The following CTNNA3 variants were observed in gnomAD, a reference collection of about 807,000 sequenced individuals.
CTNNA3 encodes catenin alpha-3.
Under a neutral mutation model 95.7 loss-of-function variants are expected in CTNNA3, and 76 were observed. The ratio of observed to expected loss-of-function variants is 0.79; its 90% CI spans 0.66 to 0.96. The LOEUF (loss-of-function observed/expected upper bound fraction) is 0.96. Ranked by LOEUF, CTNNA3 falls within the 40% of genes least tolerant of loss-of-function variation. CTNNA3 has a pLI of 0.00. For missense variants in CTNNA3, 1,191 were observed against 1,089.8 expected (o/e 1.09, Z -1.31); for synonymous variants, 431 against 374.4 (o/e 1.15, Z -1.74).
At chr10:66,751,097 G>A (rs563038606) in intron 9 of CTNNA3, among the ~76,000 whole-genome samples, 7 of 152,082 alleles carry the variant, frequency 4.6e-5, no homozygotes, top group African/African-American at 1.4e-4. Flanking sequence ...GTGAAACCCC[G>A]TCTCTGCTAA....
chr10:67,126,346 G>C lies in CTNNA3; in HGVS notation c.1047+53971C>G, dbSNP rs1422938847. 2.6e-5 allele frequency among the ~76,000 whole-genome samples: 4 copies of C among 152,214 alleles called. No individual in the cohort carries two copies. In the East Asian group the frequency reaches 7.7e-4, roughly 29 times the overall value. The stretch of plus-strand genomic sequence containing the variant: ...GTTCAAGACCAGCCTGGCCAACATG[G>C]TGAAACCCTGTCTCTACTAAAAATA... On this transcript the variant is annotated intron_variant, in intron 7 of 17. Coordinates refer to ENST00000433211, the MANE Select transcript of CTNNA3 (RefSeq NM_013266.4).
intron 9 of CTNNA3, among the ~76,000 whole-genome samples, chr10:66,765,645 A>G (rs1839817105): frequency 6.6e-6 from 1 of 152,100 alleles, no homozygotes; most frequent in Non-Finnish European, 1.5e-5. Context: ...AGTAAGTTCT[A>G]TTATCTCTCT....
At chr10:67,645,486 A>G (rs917581555) in intron 2 of CTNNA3, among the ~76,000 whole-genome samples, 3 of 152,168 alleles carry the variant, frequency 2.0e-5, no homozygotes, top group Non-Finnish European at 4.4e-5. Context: ...GCCATCTCCG[A>G]AATGAAGGTC....
At chr10:65,986,034 C>A (rs1013746354) in intron 16 of CTNNA3, among the ~76,000 whole-genome samples, 10 of 151,228 alleles carry the variant, frequency 6.6e-5, no homozygotes, top group East Asian at 1.9e-4. Flanking sequence ...ATATTCTTAT[C>A]CCATTTGTCT....
At chr10:66,912,705 G>A (rs1846273022) in intron 7 of CTNNA3, among the ~76,000 whole-genome samples, 1 of 152,004 alleles carries the variant, frequency 6.6e-6, no homozygotes, top group Non-Finnish European at 1.5e-5. Flanking sequence ...ATTTTTGGAG[G>A]CTGCTGGGCT....
chr10:65,934,276 G>T (rs917334669), intron 17 of CTNNA3, among the ~76,000 whole-genome samples: 1 of 152,102 alleles, frequency 6.6e-6, no homozygotes, highest in Non-Finnish European at 1.5e-5. Flanking sequence ...TCTCTTAGAT[G>T]AGGTTCCACA....
intron 17 of CTNNA3, among the ~76,000 whole-genome samples, chr10:65,955,492 G>T (rs978025754): frequency 5.9e-5 from 9 of 151,996 alleles, no homozygotes; most frequent in African/African-American, 1.7e-4. Flanking sequence ...GCTTCCAGTT[G>T]TTGCCCATTC....
At chr10:67,189,820 A>G (rs7073762) in intron 6 of CTNNA3, among the ~76,000 whole-genome samples, 18,864 of 152,026 alleles carry the variant, frequency 0.12, 1,383 homozygotes, top group South Asian at 0.22. Context: ...CTGTGAAACC[A>G]GGAGAATACA....
chr10:67,611,721 T>C (rs1843466460), intron 2 of CTNNA3, among the ~76,000 whole-genome samples: 2 of 152,200 alleles, frequency 1.3e-5, no homozygotes, highest in Non-Finnish European at 2.9e-5. Context: ...CTCATTGTAG[T>C]ATAAAAAGGC....
intron 3 of CTNNA3, among the ~76,000 whole-genome samples, chr10:67,579,060 TAC>T: frequency 6.8e-6 from 1 of 147,032 alleles, no homozygotes; most frequent in South Asian, 2.2e-4. Flanking sequence ...TGCATATATA[TAC>T]AGTTGTTATA....
At chr10:67,266,358 G>T (rs1156892398) in intron 5 of CTNNA3, among the ~76,000 whole-genome samples, 3 of 151,934 alleles carry the variant, frequency 2.0e-5, no homozygotes, top group African/African-American at 4.8e-5. Context: ...TCCATGGCTG[G>T]CTATTTGCTA....
intron 15 of CTNNA3, among the ~76,000 whole-genome samples, chr10:66,016,347 G>T (rs977592437): frequency 6.6e-6 from 1 of 152,126 alleles, no homozygotes; most frequent in African/African-American, 2.4e-5. Flanking sequence ...TGCTATGAAT[G>T]ACATATGCCC....
intron 4 of CTNNA3, among the ~76,000 whole-genome samples, chr10:67,523,552 AAG>A (rs1470988759): frequency 1.3e-5 from 2 of 152,202 alleles, no homozygotes; most frequent in African/African-American, 4.8e-5. Context: ...AGTGCAAAAA[AAG>A]AGAGATAAAG....
intron 15 of CTNNA3, among the ~76,000 whole-genome samples, chr10:65,990,429 T>A (rs954388886): frequency 4.6e-5 from 7 of 150,662 alleles, no homozygotes; most frequent in African/African-American, 1.7e-4. Context: ...TCATTCTAAC[T>A]GGGGTAAAAT....
intron 7 of CTNNA3, among the ~76,000 whole-genome samples, chr10:66,924,030 A>G (rs1276331723): frequency 1.3e-5 from 2 of 152,212 alleles, no homozygotes; most frequent in African/African-American, 4.8e-5. Flanking sequence ...AGGAGAAAAT[A>G]TTATTTTTAA....
chr10:66,375,486 T>C (rs1226832733), intron 12 of CTNNA3, among the ~76,000 whole-genome samples: 2 of 152,040 alleles, frequency 1.3e-5, no homozygotes, highest in Non-Finnish European at 2.9e-5. Context: ...GTATGTAGAC[T>C]ACTAATTTTC....
intron 5 of CTNNA3, among the ~76,000 whole-genome samples, chr10:67,331,263 A>T (rs1347812221): frequency 1.3e-5 from 2 of 152,158 alleles, no homozygotes; most frequent in African/African-American, 4.8e-5. Context: ...ATGGCACAAA[A>T]TGATTATCTT....
intron 14 of CTNNA3, among the ~76,000 whole-genome samples, chr10:66,094,250 T>G (rs1018277818): frequency 6.6e-6 from 1 of 152,052 alleles, no homozygotes; most frequent in Non-Finnish European, 1.5e-5. Flanking sequence ...CTGAGATTTC[T>G]GCACGAGGAG....
At chr10:67,158,737 G>C (rs1046361128) in intron 7 of CTNNA3, among the ~76,000 whole-genome samples, 2 of 152,006 alleles carry the variant, frequency 1.3e-5, no homozygotes, top group African/African-American at 4.8e-5. Flanking sequence ...TTCCTTGCTT[G>C]CTACCTGTAC....
Sources: gnomAD v4.1 joint callset for allele counts (sites outside exome capture counted in the v4.1 genomes callset) on GRCh38, gnomAD v4.1.1 for gene constraint, MANE v1.5 for transcripts, NCBI Gene and HGNC (gene_info 2026-07-23, HGNC 2026-07-21) for gene names.